ATP8A2: variants seen among roughly 807,000 people sequenced by gnomAD.
ATP8A2 encodes the protein ATPase phospholipid transporting 8A2, also known as phospholipid-transporting ATPase IB.
In ATP8A2, 100 loss-of-function variants were observed where a neutral mutation model predicts 165.6. The ratio of observed to expected loss-of-function variants is 0.60; its 90% CI spans 0.51 to 0.71. The LOEUF is 0.71. Among genes scored for constraint, ATP8A2 ranks in the 30% least tolerant of loss-of-function variants. ATP8A2 has a pLI of 0.00. For missense variants in ATP8A2, 1,227 were observed against 1,479.5 expected, an observed-to-expected ratio of 0.83 and a Z score of 2.80; for synonymous variants, 543 against 548.8, an observed-to-expected ratio of 0.99 and a Z score of 0.15.
intron 33 of ATP8A2, among the ~76,000 whole-genome samples, chr13:25,950,495 C>G (rs1337963451): frequency 6.6e-6 from 1 of 152,202 alleles, no homozygotes; most frequent in Non-Finnish European, 1.5e-5. Context: ...ACAGCACTCC[C>G]CCTCCTCACA....
chr13:25,846,140 A>G (rs1951858473), intron 30 of ATP8A2, among the ~76,000 whole-genome samples: 1 of 152,206 alleles, frequency 6.6e-6, no homozygotes, highest in Non-Finnish European at 1.5e-5. Context: ...GTGCCATTGC[A>G]CTCCAGCCTG....
chr13:25,975,492 G>A (rs1956012484), intron 35 of ATP8A2, among the ~76,000 whole-genome samples: 1 of 151,882 alleles, frequency 6.6e-6, no homozygotes, highest in South Asian at 2.1e-4. Flanking sequence ...TGAGGCAGGA[G>A]AATGGCGTGA....
chr13:25,533,319 A>C lies in ATP8A2; in HGVS notation c.507+6A>C. On this transcript the variant is annotated splice_donor_region_variant and intron_variant, in intron 6 of 36. Coordinates refer to ENST00000381655, the MANE Select transcript of ATP8A2 (RefSeq NM_016529.6). ...ATACCATTATGTGGAAAGAGGTAAA[A>C]ACTAATTTTAAAGATGTACCAGTAC... The C allele has an allele frequency of 6.8e-7, 1 of 1,468,558 alleles. No homozygotes were observed. Among genetic ancestry groups the C allele is most frequent in the Non-Finnish European group, 9.5e-7 (1 of 1,052,374 alleles). The allele number at this position is 1,468,558 out of a possible 1,614,324, so 91.0% of individuals were successfully genotyped here.
At chr13:25,497,512 G>A (rs905181785) in intron 2 of ATP8A2, among the ~76,000 whole-genome samples, 5 of 152,336 alleles carry the variant, frequency 3.3e-5, no homozygotes, top group African/African-American at 1.2e-4. Flanking sequence ...GAATGCACAT[G>A]AATGTTTATT....
At chr13:25,800,413 G>A (rs1398890012) in intron 27 of ATP8A2, among the ~76,000 whole-genome samples, 3 of 152,142 alleles carry the variant, frequency 2.0e-5, no homozygotes, top group African/African-American at 7.2e-5. Flanking sequence ...TCAACCAAAA[G>A]ATGCTCACGC....
intron 33 of ATP8A2, among the ~76,000 whole-genome samples, chr13:25,913,221 C>T (rs1593548805): frequency 6.6e-6 from 1 of 152,296 alleles, no homozygotes. Context: ...TGCTGTTTGA[C>T]TCTGAAGCCT....
intron 25 of ATP8A2, among the ~76,000 whole-genome samples, chr13:25,758,268 GA>G (rs1834166320): frequency 1.3e-5 from 2 of 152,022 alleles, no homozygotes; most frequent in Admixed American, 1.3e-4. Context: ...GGAGGAGAAA[GA>G]AAAAAGAGCT....
At chr13:25,693,463 G>C (rs367955767) in intron 24 of ATP8A2, among the ~76,000 whole-genome samples, 1 of 152,164 alleles carries the variant, frequency 6.6e-6, no homozygotes, top group African/African-American at 2.4e-5. Flanking sequence ...GATGGACCTG[G>C]AGGGCTCTTA....
At chr13:25,766,584 C>T (rs139130265) in intron 25 of ATP8A2, among the ~76,000 whole-genome samples, 15 of 152,220 alleles carry the variant, frequency 9.9e-5, no homozygotes, top group African/African-American at 3.1e-4. Context: ...ATCACCGCCA[C>T]GAGAGCTCAG....
intron 1 of ATP8A2, among the ~76,000 whole-genome samples, chr13:25,426,750 C>T (rs1226502217): frequency 6.6e-6 from 1 of 151,964 alleles, no homozygotes; most frequent in Non-Finnish European, 1.5e-5. Context: ...TGAGACCAGC[C>T]TGGCCAATAT....
At chr13:25,969,863 C>T (rs1385578512) in intron 35 of ATP8A2, among the ~76,000 whole-genome samples, 1 of 152,162 alleles carries the variant, frequency 6.6e-6, no homozygotes, top group African/African-American at 2.4e-5. Context: ...GCTGATTTTA[C>T]CGCAGATGTA....
In ATP8A2 at chr13:25,474,506, G is replaced by A. The variant is rs576995419; in HGVS notation, c.221+5385G>A. On this transcript the variant is annotated intron_variant, in intron 2 of 36. Coordinates refer to ENST00000381655, the MANE Select transcript of ATP8A2 (RefSeq NM_016529.6). ...GAACCTGGGAGGCAGAGCTTGCAGTGAGCAGAGATCACACCACTGCACTCT... is the reference window on the plus strand; with the variant it reads ...GAACCTGGGAGGCAGAGCTTGCAGTAAGCAGAGATCACACCACTGCACTCT... Among the ~76,000 whole-genome samples, 9 of 150,922 alleles carry A rather than the reference G, an allele frequency of 6.0e-5. No individual in the cohort carries two copies. In the East Asian group the frequency reaches 1.6e-3, roughly 26 times the overall value.
intron 33 of ATP8A2, among the ~76,000 whole-genome samples, chr13:25,938,869 GTC>G (rs1566285833): frequency 2.7e-5 from 4 of 148,418 alleles, no homozygotes; most frequent in African/African-American, 7.5e-5. Flanking sequence ...TTGAAATGAA[GTC>G]TCACTCTATC....
At chr13:25,450,827 A>G (rs545446381) in intron 1 of ATP8A2, among the ~76,000 whole-genome samples, 22 of 152,044 alleles carry the variant, frequency 1.4e-4, no homozygotes, top group Admixed American at 2.0e-4. Flanking sequence ...CACCGCGCCC[A>G]GCCCTGACTG....
At chr13:25,841,335 A>G (rs1272114746) in intron 30 of ATP8A2, among the ~76,000 whole-genome samples, 4 of 152,212 alleles carry the variant, frequency 2.6e-5, no homozygotes, top group African/African-American at 7.2e-5. Flanking sequence ...GGCAGCCAAT[A>G]GGATGCTTTT....
intron 2 of ATP8A2, among the ~76,000 whole-genome samples, chr13:25,473,950 T>A (rs1341845019): frequency 6.6e-6 from 1 of 152,236 alleles, no homozygotes; most frequent in East Asian, 1.9e-4. Flanking sequence ...GTCATCACTA[T>A]CAGACATATG....
At chr13:25,852,534 C>T (rs1332120024) in intron 30 of ATP8A2, among the ~76,000 whole-genome samples, 2 of 152,218 alleles carry the variant, frequency 1.3e-5, no homozygotes, top group Admixed American at 1.3e-4. Context: ...CCGCAGTTCT[C>T]TCCTGGATAT....
At chr13:25,997,232 G>A (rs985889523) in intron 35 of ATP8A2, among the ~76,000 whole-genome samples, 1 of 152,158 alleles carries the variant, frequency 6.6e-6, no homozygotes, top group African/African-American at 2.4e-5. Context: ...TATTTTCACT[G>A]GGTTGACAGT....
At chr13:25,772,747 T>A (rs71425143) in intron 26 of ATP8A2, among the ~76,000 whole-genome samples, 44,704 of 145,996 alleles carry the variant, frequency 0.31, 6,887 homozygotes, top group Admixed American at 0.37. Flanking sequence ...TTTATTTATT[T>A]ATTTATTTAT....
Sources: allele counts gnomAD v4.1 joint callset (sites outside exome capture counted in the v4.1 genomes callset), GRCh38; gene constraint gnomAD v4.1.1; transcripts MANE v1.5; gene names NCBI Gene and HGNC (gene_info 2026-07-23, HGNC 2026-07-21).